KCNMA1: variants seen among roughly 807,000 people sequenced by gnomAD.
KCNMA1 encodes potassium calcium-activated channel subfamily M alpha 1, also known as Calcium-activated potassium channel subunit alpha-1.
KCNMA1 carries 29 observed loss-of-function variants against 140.0 expected under a neutral mutation model. The ratio of observed to expected loss-of-function variants is 0.21; its 90% CI spans 0.15 to 0.28. KCNMA1 has a LOEUF of 0.28. Among genes scored for constraint, KCNMA1 ranks in the 10% least tolerant of loss-of-function variants. KCNMA1 has a pLI of 1.00. For missense variants in KCNMA1, 880 were observed against 1,602.2 expected (o/e 0.55, Z 7.70); for synonymous variants, 612 against 611.9 (o/e 1.00, Z 0.00).
At chr10:77,337,512 C>G (rs760480032) in intron 2 of KCNMA1, among the ~76,000 whole-genome samples, 8 of 152,090 alleles carry the variant, frequency 5.3e-5, no homozygotes, top group Non-Finnish European at 1.2e-4. Context: ...CCCAGCTACT[C>G]GGGAGGTTGA....
At chr10:76,965,589 A>G (rs2073583316) in intron 20 of KCNMA1, among the ~76,000 whole-genome samples, 1 of 151,754 alleles carries the variant, frequency 6.6e-6, no homozygotes, top group African/African-American at 2.4e-5. Context: ...TACATTCTCC[A>G]CTCCATCTAG....
rs561408393 is a variant in KCNMA1 at position 76,886,569 on chromosome 10, T to C, written c.*697A>G. 17 of 986,956 alleles carry C rather than the reference T, an allele frequency of 1.7e-5. No individual in the cohort carries two copies. Among genetic ancestry groups the C allele is most frequent in the Non-Finnish European group, 2.0e-5 (17 of 831,008 alleles). The allele number at this position is 986,956 out of a possible 1,614,324, so 61.1% of individuals were successfully genotyped here. ...GATTGGAATACTATTCTCTCCTCCA[T>C]ATTAAGGTGAGAAATGTTCATAAGA... On this transcript the variant is annotated 3_prime_UTR_variant, in exon 28 of 28. Coordinates refer to ENST00000286628, the MANE Select transcript of KCNMA1 (RefSeq NM_001161352.2).
At chr10:77,295,903 A>AACT (rs1367595088) in intron 2 of KCNMA1, among the ~76,000 whole-genome samples, 1 of 150,712 alleles carries the variant, frequency 6.6e-6, no homozygotes, top group Non-Finnish European at 1.5e-5. Context: ...CAAACAAATT[A>AACT]ACTTTTTTTT....
intron 16 of KCNMA1, among the ~76,000 whole-genome samples, chr10:77,026,002 T>A (rs376471568): frequency 0.2 from 22,414 of 110,826 alleles, 1,906 homozygotes; most frequent in Non-Finnish European, 0.24. Context: ...AAAAAAAATA[T>A]ATATATATAT....
intron 3 of KCNMA1, among the ~76,000 whole-genome samples, chr10:77,211,238 A>G (rs2045960906): frequency 6.6e-6 from 1 of 152,154 alleles, no homozygotes; most frequent in Non-Finnish European, 1.5e-5. Flanking sequence ...ACAGCATGGT[A>G]TTGGTAAAAA....
intron 6 of KCNMA1, among the ~76,000 whole-genome samples, chr10:77,117,310 A>G (rs1172904328): frequency 1.3e-5 from 2 of 152,054 alleles, no homozygotes; most frequent in Non-Finnish European, 2.9e-5. Flanking sequence ...GCACTTTGGG[A>G]GGCCAAAGTG....
intron 1 of KCNMA1, among the ~76,000 whole-genome samples, chr10:77,475,412 C>T (rs1252260259): frequency 1.3e-5 from 2 of 152,132 alleles, no homozygotes; most frequent in African/African-American, 4.8e-5. Context: ...ATTGTGGTTT[C>T]GTGCTGAAGG....
At chr10:77,312,922 A>G (rs1258631599) in intron 2 of KCNMA1, among the ~76,000 whole-genome samples, 1 of 152,132 alleles carries the variant, frequency 6.6e-6, no homozygotes, top group African/African-American at 2.4e-5. Context: ...TTGCTGGGGG[A>G]CAAAATAAAC....
intron 1 of KCNMA1, among the ~76,000 whole-genome samples, chr10:77,576,123 G>C (rs2073994329): frequency 6.6e-6 from 1 of 152,214 alleles, no homozygotes; most frequent in Non-Finnish European, 1.5e-5. Flanking sequence ...TCATGCCCAG[G>C]AGGTTTGGGT....
intron 2 of KCNMA1, among the ~76,000 whole-genome samples, chr10:77,381,305 G>A (rs1306143978): frequency 1.3e-5 from 2 of 151,954 alleles, no homozygotes; most frequent in Admixed American, 6.6e-5. Context: ...AGAATTATAA[G>A]GTTTATAAAG....
At chr10:76,975,869 G>A (rs945854010) in intron 19 of KCNMA1, among the ~76,000 whole-genome samples, 3 of 152,104 alleles carry the variant, frequency 2.0e-5, no homozygotes, top group Non-Finnish European at 4.4e-5. Context: ...GTGTGCAGTG[G>A]TGTTATCTTA....
chr10:77,192,206 G>A (rs1055477533), intron 3 of KCNMA1, among the ~76,000 whole-genome samples: 1 of 152,132 alleles, frequency 6.6e-6, no homozygotes, highest in African/African-American at 2.4e-5. Context: ...ATTGCTAACA[G>A]AGAGAATGGA....
chr10:77,043,228 C>A (rs1027488300), intron 14 of KCNMA1, among the ~76,000 whole-genome samples: 9 of 152,170 alleles, frequency 5.9e-5, no homozygotes, highest in Non-Finnish European at 1.3e-4. Context: ...CATTTAAATC[C>A]GTTGCCATTG....
intron 1 of KCNMA1, chr10:77,636,047 TA>T: frequency 3.2e-6 from 1 of 311,158 alleles, no homozygotes; most frequent in Non-Finnish European, 5.3e-6. Context: ...GTCCTCGGTT[TA>T]ACTTTACTAG....
intron 1 of KCNMA1, among the ~76,000 whole-genome samples, chr10:77,453,574 T>G (rs1242961753): frequency 6.6e-6 from 1 of 152,134 alleles, no homozygotes; most frequent in Non-Finnish European, 1.5e-5. Context: ...CTCAACTTCC[T>G]GTCTGGAGAG....
At chr10:77,556,914 TCCTAGGACCCCTGC>T (rs56254932) in intron 1 of KCNMA1, among the ~76,000 whole-genome samples, 13,688 of 152,108 alleles carry the variant, frequency 0.09, 757 homozygotes, top group Admixed American at 0.14. Flanking sequence ...CAAACCAATC[TCCTAGGACCCCTGC>T]CAGGGCAGAG....
intron 14 of KCNMA1, among the ~76,000 whole-genome samples, chr10:77,048,422 G>A (rs1247769): frequency 0.98 from 149,365 of 152,270 alleles, 73,295 homozygotes; most frequent in African/African-American, 1. Context: ...AAGCAGAATT[G>A]TTCTCAACTA....
At chr10:77,457,864 C>T (rs2097785956) in intron 1 of KCNMA1, among the ~76,000 whole-genome samples, 1 of 152,104 alleles carries the variant, frequency 6.6e-6, no homozygotes, top group African/African-American at 2.4e-5. Context: ...TGTCTGGTTC[C>T]ATTCCAGGAA....
intron 3 of KCNMA1, among the ~76,000 whole-genome samples, chr10:77,218,910 C>T (rs999997472): frequency 4.5e-4 from 69 of 152,282 alleles, no homozygotes; most frequent in African/African-American, 1.6e-3. Flanking sequence ...TGATCTCAAA[C>T]TGTTGGCCTC....
Sources: allele counts gnomAD v4.1 joint callset (sites outside exome capture counted in the v4.1 genomes callset), GRCh38; gene constraint gnomAD v4.1.1; transcripts MANE v1.5; gene names NCBI Gene and HGNC (gene_info 2026-07-23, HGNC 2026-07-21).